CYP4X1: variants seen among roughly 807,000 people sequenced by gnomAD.
CYP4X1 encodes cytochrome P450 family 4 subfamily X member 1, also known as cytochrome P450 4X1.
Under a neutral mutation model 57.9 loss-of-function variants are expected in CYP4X1, and 44 were observed. That is an observed-to-expected ratio of 0.76 (90% CI 0.60 to 0.98). CYP4X1 has a LOEUF of 0.98. Ranked by LOEUF, CYP4X1 falls within the 50% of genes least tolerant of loss-of-function variation. CYP4X1 has a pLI of 0.00. For missense variants in CYP4X1, 532 were observed against 623.9 expected (o/e 0.85, Z 1.57); for synonymous variants, 227 against 228.6 (o/e 0.99, Z 0.06).
the CYP4X1 span, chr1:46,967,816 A>T: frequency 7.5e-7 from 1 of 1,340,470 alleles, no homozygotes; most frequent in Admixed American, 2.6e-5. Flanking sequence ...GAGCAGGGTC[A>T]GGGCCATGGC....
intron 11 of CYP4X1, 116 bp from the exon 12 acceptor site, chr1:47,049,884 T>G: frequency 2.7e-6 from 3 of 1,098,594 alleles, no homozygotes; most frequent in East Asian, 2.7e-5. Context: ...TTCAATGGCA[T>G]TTGGTGGAAA....
chr1:46,982,885 C>T, the CYP4X1 span, among the ~76,000 whole-genome samples: 1 of 152,210 alleles, frequency 6.6e-6, no homozygotes, highest in African/African-American at 2.4e-5. Flanking sequence ...ACCTCCCCAT[C>T]TTGGGGACAG....
At chr1:47,025,788 G>A (rs887341112) in intron 1 of CYP4X1, among the ~76,000 whole-genome samples, 8 of 152,034 alleles carry the variant, frequency 5.3e-5, no homozygotes, top group African/African-American at 1.9e-4. Context: ...TTTTTTTGGA[G>A]ATATTTTTGC....
the CYP4X1 span, among the ~76,000 whole-genome samples, chr1:46,966,746 C>T: frequency 6.6e-6 from 1 of 152,172 alleles, no homozygotes; most frequent in East Asian, 1.9e-4. Flanking sequence ...TCACAATTAA[C>T]ATTAGATATA....
upstream of CYP4X1, among the ~76,000 whole-genome samples, chr1:47,019,047 A>G (rs116789345): frequency 4.3e-3 from 655 of 152,294 alleles, 4 homozygotes; most frequent in African/African-American, 0.015. Context: ...GAAAGCCTGG[A>G]GAATATCACC....
chr1:46,983,814 G>T, the CYP4X1 span, among the ~76,000 whole-genome samples: 39,743 of 152,072 alleles, frequency 0.26, 5,623 homozygotes, highest in East Asian at 0.51. Flanking sequence ...ATACAGAGCT[G>T]CCACTGGTCC....
the CYP4X1 span, among the ~76,000 whole-genome samples, chr1:46,986,067 C>T: frequency 6.6e-6 from 1 of 152,176 alleles, no homozygotes; most frequent in Non-Finnish European, 1.5e-5. Context: ...TAATAACAAA[C>T]TCCTCCGAGC....
chr1:47,052,172 A>G (rs1175317455), downstream of CYP4X1, among the ~76,000 whole-genome samples: 6 of 152,018 alleles, frequency 3.9e-5, no homozygotes, highest in Admixed American at 2.0e-4. Flanking sequence ...ATCCAATTTT[A>G]CTTTAAATAT....
chr1:47,036,811 G>A (rs11211422), intron 6 of CYP4X1, among the ~76,000 whole-genome samples: 63,874 of 151,952 alleles, frequency 0.42, 14,806 homozygotes, highest in East Asian at 0.97. Flanking sequence ...TACATTTGTT[G>A]TTACGATGAG....
chr1:47,034,427 T>G (rs1644157895), intron 4 of CYP4X1, among the ~76,000 whole-genome samples: 1 of 152,222 alleles, frequency 6.6e-6, no homozygotes, highest in South Asian at 2.1e-4. Context: ...TTAAATCATA[T>G]TTATTTTGAA....
the CYP4X1 span, among the ~76,000 whole-genome samples, chr1:46,969,181 C>G: frequency 1.3e-5 from 2 of 152,144 alleles, no homozygotes; most frequent in Admixed American, 1.3e-4. Flanking sequence ...TCTGGGACTT[C>G]CCTGCACCCG....
chr1:47,033,647 TA>T (rs1644148107), intron 4 of CYP4X1, among the ~76,000 whole-genome samples: 1 of 152,162 alleles, frequency 6.6e-6, no homozygotes, highest in Admixed American at 6.5e-5. Context: ...GTAAGTGCTG[TA>T]GATGTGTTTC....
the CYP4X1 span, chr1:46,967,722 C>A: frequency 9.2e-7 from 1 of 1,088,658 alleles, no homozygotes; most frequent in Non-Finnish European, 1.2e-6. Context: ...TCCTGAGATG[C>A]AGGTGGATTC....
chr1:47,029,916 G>A, intron 1 of CYP4X1, 74 bp from the exon 2 acceptor site: 1 of 1,551,118 alleles, frequency 6.4e-7, no homozygotes, highest in Admixed American at 1.8e-5. Flanking sequence ...ATCAGGTCCT[G>A]AACTCAGCTT....
At chr1:46,990,113 T>G in the CYP4X1 span, among the ~76,000 whole-genome samples, 1 of 151,980 alleles carries the variant, frequency 6.6e-6, no homozygotes, top group Non-Finnish European at 1.5e-5. Context: ...TGAACAAGCA[T>G]CCTACAGAAT....
rs1341138256 is a variant in CYP4X1 at position 47,031,490 on chromosome 1, T to C, written c.364+10T>C. The C allele has an allele frequency of 6.2e-7, 1 of 1,614,002 alleles. No homozygotes were observed. The highest frequency in any genetic ancestry group is 2.2e-5 in the East Asian group (1 of 44,878). ...TCACCTCCACTTCTTGGTATGTATG[T>C]GCAAATGAGAGGTATAACCCACTCT... is the stretch of plus-strand genomic sequence containing the variant. On this transcript the variant is annotated intron_variant, in intron 3 of 11. Transcript: ENST00000371901.
intron 2 of CYP4X1, 101 bp from the exon 3 acceptor site, chr1:47,031,335 T>C (rs1262065228): frequency 7.2e-7 from 1 of 1,383,438 alleles, no homozygotes; most frequent in Non-Finnish European, 1.0e-6. Flanking sequence ...TTTCTCACTT[T>C]TTGTGGTTGG....
At chr1:47,047,922 G>C (rs1285703230) in intron 9 of CYP4X1, among the ~76,000 whole-genome samples, 1 of 152,038 alleles carries the variant, frequency 6.6e-6, no homozygotes, top group Non-Finnish European at 1.5e-5. Context: ...TACCTAAATT[G>C]TCTCCAGGAG....
the CYP4X1 span, among the ~76,000 whole-genome samples, chr1:47,009,596 C>A: frequency 6.6e-6 from 1 of 152,038 alleles, no homozygotes; most frequent in Non-Finnish European, 1.5e-5. Flanking sequence ...CACAAAAAAC[C>A]CTTCAAAAAA....
Sources: allele counts gnomAD v4.1 joint callset (sites outside exome capture counted in the v4.1 genomes callset), GRCh38; gene constraint gnomAD v4.1.1; transcripts MANE v1.5; gene names NCBI Gene and HGNC (gene_info 2026-07-23, HGNC 2026-07-21).